Variants in INTS7 observed in about 807,000 individuals in gnomAD.
INTS7 encodes integrator complex subunit 7.
INTS7 carries 46 observed loss-of-function variants against 109.2 expected under a neutral mutation model. That is an observed-to-expected ratio of 0.42 (90% CI 0.33 to 0.54). INTS7 has a LOEUF of 0.54. Ranked by LOEUF, INTS7 falls within the 20% of genes least tolerant of loss-of-function variation. INTS7 has a pLI of 0.07. For synonymous variants in INTS7, 412 were observed against 402.9 expected (o/e 1.02, Z -0.27); for missense variants, 929 against 1,132.4 (o/e 0.82, Z 2.58).
At chr1:212,032,939 C>T (rs1306777839) in intron 1 of INTS7, among the ~76,000 whole-genome samples, 3 of 152,202 alleles carry the variant, frequency 2.0e-5, no homozygotes, top group African/African-American at 7.2e-5. Context: ...CAACTCCAGC[C>T]CCAGATCAGT....
intron 4 of INTS7, 171 bp from the exon 5 acceptor site, chr1:212,011,592 A>C: frequency 1.7e-6 from 1 of 588,926 alleles, no homozygotes; most frequent in Non-Finnish European, 3.1e-6. Flanking sequence ...AACACAACTA[A>C]AACAAAAACT....
chr1:211,987,928 A>G lies in INTS7; in HGVS notation c.955T>C (p.Ser319Pro). 1 of 1,611,914 alleles carries G rather than the reference A, an allele frequency of 6.2e-7. No homozygotes were observed. The highest frequency in any genetic ancestry group is 1.1e-5 in the South Asian group (1 of 91,016). The change falls in exon 8 of 20, where the codon TCA becomes CCA. Residue 319 changes from serine to proline, a missense_variant. By Grantham distance (74) the Ser-to-Pro change is moderately conservative. Transcript: ENST00000366994. Reference sequence around the variant, plus strand: ...TAATGTTTGATGGCGATGGTCCCTGATAGTGTGGAAAGGACAGACAACATC... The same window carrying G: ...TAATGTTTGATGGCGATGGTCCCTGGTAGTGTGGAAAGGACAGACAACATC... ...LGMLSVLSTL[S>P]GTIAIKHYFS...
chr1:211,971,335 C>A (rs898310123), intron 13 of INTS7, among the ~76,000 whole-genome samples: 1 of 152,122 alleles, frequency 6.6e-6, no homozygotes, highest in Non-Finnish European at 1.5e-5. Context: ...AAGATATGTA[C>A]AAGAATGTTC....
At chr1:211,989,130 G>T (rs1665034308) in intron 7 of INTS7, among the ~76,000 whole-genome samples, 1 of 152,184 alleles carries the variant, frequency 6.6e-6, no homozygotes, top group African/African-American at 2.4e-5. Context: ...TTCAGAAAGG[G>T]TTAAAATAAA....
chr1:212,027,890 A>G (rs1397633850), intron 1 of INTS7, among the ~76,000 whole-genome samples: 3 of 151,876 alleles, frequency 2.0e-5, no homozygotes, highest in African/African-American at 7.3e-5. Flanking sequence ...GCAGTGGCGC[A>G]ATCTCAGCTC....
At chr1:212,016,456 G>C (rs1347456316) in intron 4 of INTS7, among the ~76,000 whole-genome samples, 2 of 152,132 alleles carry the variant, frequency 1.3e-5, no homozygotes, top group African/African-American at 4.8e-5. Context: ...ATTCTGAATA[G>C]GTTAAAATTG....
chr1:211,970,205 CA>C (rs1348688443), intron 13 of INTS7, among the ~76,000 whole-genome samples: 4 of 152,112 alleles, frequency 2.6e-5, no homozygotes, highest in Non-Finnish European at 5.9e-5. Context: ...GGAGGGGTAT[CA>C]GGGGTAAGTC....
At chr1:211,955,402 C>T (rs986263897) in intron 16 of INTS7, among the ~76,000 whole-genome samples, 23 of 152,158 alleles carry the variant, frequency 1.5e-4, no homozygotes, top group Admixed American at 1.4e-3. Flanking sequence ...TCCTGCCTGA[C>T]TGCCCTGGCC....
chr1:211,974,286 T>TATA (rs1664318943), intron 13 of INTS7, among the ~76,000 whole-genome samples: 1 of 100,490 alleles, frequency 1.0e-5, no homozygotes, highest in African/African-American at 4.1e-5. Context: ...AATATATATA[T>TATA]ATATATATAT....
Position 212,035,548 on chromosome 1 carries a change from G to A in INTS7, c.-111C>T. 1.2e-6 allele frequency: 1 copy of A among 849,798 alleles called. No homozygotes were observed. The highest frequency in any genetic ancestry group is 1.9e-6 in the Non-Finnish European group (1 of 515,342). 52.6% of individuals were successfully genotyped at this position (849,798 alleles called of 1,614,324 possible). A position where few individuals can be genotyped will look rare whatever the true frequency, so the allele number is the denominator to read the frequency against. On this transcript the variant is annotated 5_prime_UTR_variant, in exon 1 of 20. Coordinates refer to ENST00000366994, the MANE Select transcript of INTS7 (RefSeq NM_015434.4). ...TGGTTTTTCTTCCGCGCGCTGTCAA[G>A]CCCTGTTACGCATGCGCCCTGGTCA...
intron 8 of INTS7, among the ~76,000 whole-genome samples, chr1:211,986,471 G>T (rs189922884): frequency 6.6e-6 from 1 of 151,860 alleles, no homozygotes; most frequent in Admixed American, 6.6e-5. Context: ...AAAACTAATA[G>T]AAAAACAAGG....
chr1:211,995,459 G>C (rs1317997695), intron 7 of INTS7, among the ~76,000 whole-genome samples: 2 of 152,136 alleles, frequency 1.3e-5, no homozygotes, highest in Non-Finnish European at 2.9e-5. Flanking sequence ...AGATGACAGA[G>C]AAAGGTTAAA....
chr1:212,013,413 A>AT (rs1233990437), intron 4 of INTS7, among the ~76,000 whole-genome samples: 5 of 152,380 alleles, frequency 3.3e-5, no homozygotes, highest in Admixed American at 1.3e-4. Context: ...GCTAAGTGTT[A>AT]TTACAAAAGA....
rs58204818 is a variant in INTS7 at position 212,015,710 on chromosome 1, TAAAAAAAAAAAAAAAAA to T, written c.509+1159_509+1175del. 7.1e-4 allele frequency among the ~76,000 whole-genome samples: 25 copies of T among 34,978 alleles called. 1 individual carries two copies. Among genetic ancestry groups the T allele is most frequent in the South Asian group, 4.7e-3 (2 of 424 alleles). 22.9% of individuals were successfully genotyped at this position (34,978 alleles called of 152,430 possible). ...ACACCCAAGAATGATCAATAAATACTAAAAAAAAAAAAAAAAAAAAAAAAAAAAAAAAAGTTAACTTT... is the reference window on the plus strand; with the variant it reads ...ACACCCAAGAATGATCAATAAATACTAAAAAAAAAAAAAAAAGTTAACTTT... On this transcript the variant is annotated intron_variant, in intron 4 of 19. Coordinates refer to ENST00000366994, the MANE Select transcript of INTS7 (RefSeq NM_015434.4).
At chr1:211,960,874 G>C (rs1006017905) in intron 16 of INTS7, among the ~76,000 whole-genome samples, 5 of 152,124 alleles carry the variant, frequency 3.3e-5, no homozygotes, top group Non-Finnish European at 7.3e-5. Flanking sequence ...AATTAGCCAA[G>C]TATGGTGCTG....
chr1:211,944,860 C>T lies in INTS7; in HGVS notation c.2525G>A (p.Gly842Glu). The T allele has an allele frequency of 1.2e-6, 2 of 1,614,148 alleles. No individual in the cohort carries two copies. The highest frequency in any genetic ancestry group is 1.7e-6 in the Non-Finnish European group (2 of 1,179,992). The change falls in exon 19 of 20, where the codon GGA becomes GAA. Residue 842 changes from glycine to glutamate, a missense_variant. Gly to Glu is a moderately conservative substitution (Grantham distance 98). Coordinates refer to ENST00000366994, the MANE Select transcript of INTS7 (RefSeq NM_015434.4). The stretch of plus-strand genomic sequence containing the variant: ...GACAGACTGAATTTTGCGGAAGAGT[C>T]CTGGTTTAGATCCGTGCTGAACCAC... ...EGVVQHGSKPGLFRKIQSVCL... is the reference protein window; with the variant it reads ...EGVVQHGSKPELFRKIQSVCL...
At chr1:211,994,784 T>TAA (rs141582319) in intron 7 of INTS7, among the ~76,000 whole-genome samples, 2 of 140,760 alleles carry the variant, frequency 1.4e-5, no homozygotes, top group African/African-American at 2.6e-5. Flanking sequence ...TATGTTCAAT[T>TAA]AAAAAAAAAA....
At chr1:211,987,826 A>G in intron 8 of INTS7, 60 bp downstream of exon 8, 1 of 962,670 alleles carries the variant, frequency 1.0e-6, no homozygotes. Context: ...AACCTGAAAC[A>G]TAAATATGGA....
intron 4 of INTS7, among the ~76,000 whole-genome samples, chr1:212,016,486 T>A (rs915717356): frequency 3.3e-5 from 5 of 152,242 alleles, no homozygotes; most frequent in African/African-American, 1.2e-4. Context: ...CAAGTTATTG[T>A]CTTTGCCAAA....
Sources: gnomAD v4.1 joint callset for allele counts (sites outside exome capture counted in the v4.1 genomes callset) on GRCh38, gnomAD v4.1.1 for gene constraint, MANE v1.5 for transcripts, NCBI Gene and HGNC (gene_info 2026-07-23, HGNC 2026-07-21) for gene names.